The following POLR1A variants were observed in gnomAD, a reference collection of about 807,000 sequenced individuals.
POLR1A encodes the protein RNA polymerase I subunit A.
A neutral mutation model predicts 205.3 loss-of-function variants in POLR1A; 84 were observed. The observed-to-expected ratio is 0.41, with a 90% CI of 0.34 to 0.49. The LOEUF is 0.49. Among genes scored for constraint, POLR1A ranks in the 20% least tolerant of loss-of-function variants. POLR1A has a pLI of 0.22. For missense variants in POLR1A, 1,645 were observed against 2,204.5 expected (o/e 0.75, Z 5.08); for synonymous variants, 799 against 863.7 (o/e 0.93, Z 1.31).
At chr2:86,100,629 G>C (rs1292734147) in intron 1 of POLR1A, among the ~76,000 whole-genome samples, 1 of 151,670 alleles carries the variant, frequency 6.6e-6, no homozygotes. Context: ...AAACTCCTGG[G>C]CTCCAGTGAT....
At chr2:86,054,090 T>C in intron 15 of POLR1A, 50 bp downstream of exon 15, 1 of 1,592,018 alleles carries the variant, frequency 6.3e-7, no homozygotes. Context: ...AACCAATCTG[T>C]CTAACCCCGG....
rs1170900066 is a variant in POLR1A at position 86,042,957 on chromosome 2, C to T, written c.3357+17G>A. 2 of 1,586,692 alleles carry T rather than the reference C, an allele frequency of 1.3e-6. No individual in the cohort carries two copies. The highest frequency in any genetic ancestry group is 1.7e-6 in the Non-Finnish European group (2 of 1,155,482). Reference sequence around the variant, plus strand: ...CTGGACGTGCTGGACATTAAGGACACCACCTCCCTGCATCACCTCCTGAGT... The same window carrying T: ...CTGGACGTGCTGGACATTAAGGACATCACCTCCCTGCATCACCTCCTGAGT... On this transcript the variant is annotated intron_variant, in intron 23 of 33. Coordinates refer to ENST00000263857, the MANE Select transcript of POLR1A (RefSeq NM_015425.6).
Position 86,030,278 on chromosome 2 carries a change from T to G in POLR1A, c.4697A>C (p.Glu1566Ala). 6.2e-7 allele frequency: 1 copy of G among 1,614,222 alleles called. No homozygotes were observed. The change falls in exon 31 of 34, where the codon GAA (glutamate) becomes GCA (alanine). Residue 1566 changes from glutamate (E) to alanine (A), a missense_variant. Glu to Ala is a moderately radical substitution (Grantham distance 107). Coordinates refer to ENST00000263857, the MANE Select transcript of POLR1A (RefSeq NM_015425.6). ...TKGITRCLLN[E>A]TTNNKNEKEL... Reference sequence around the variant, plus strand: ...CTTCTCGTTCTTATTGTTGGTTGTTTCATTCAGGAGGCACCGAGTGATGCC... The same window carrying G: ...CTTCTCGTTCTTATTGTTGGTTGTTGCATTCAGGAGGCACCGAGTGATGCC...
rs779817884 is a variant in POLR1A, at chr2:86,045,624, T to C, written c.2879A>G (p.Lys960Arg). 1.9e-6 allele frequency: 3 copies of C among 1,614,038 alleles called. No individual in the cohort carries two copies. The Admixed American group carries it at 5.0e-5, about 27-fold the overall frequency. The part of the protein sequence containing the change: ...FVTGRFLTGI[K>R]PPEFFFHCMA... ...AAAAACCAAAATACATACAGGAGGT[T>C]TGATGCCGGTGAGGAACCTGCCAGT... Residue 960 changes from lysine (K) to arginine (R), a missense_variant, in exon 20 of 34, where the codon AAA becomes AGA. Lys to Arg is a conservative substitution (Grantham distance 26). Coordinates refer to ENST00000263857, the MANE Select transcript of POLR1A (RefSeq NM_015425.6).
intron 1 of POLR1A, among the ~76,000 whole-genome samples, chr2:86,104,497 G>A (rs542921380): frequency 6.7e-6 from 1 of 150,186 alleles, no homozygotes; most frequent in Admixed American, 6.6e-5. Context: ...CGCCAGGCTG[G>A]AGTGCAGTGG....
At chr2:86,095,136 C>T (rs905191414) in intron 3 of POLR1A, among the ~76,000 whole-genome samples, 9 of 152,236 alleles carry the variant, frequency 5.9e-5, no homozygotes, top group Non-Finnish European at 1.2e-4. Context: ...ACCCTTCCCA[C>T]GAAGCTTTGC....
intron 6 of POLR1A, among the ~76,000 whole-genome samples, chr2:86,084,187 AC>A (rs1364935108): frequency 1.3e-5 from 2 of 152,104 alleles, no homozygotes; most frequent in Non-Finnish European, 2.9e-5. Flanking sequence ...AATGGCGTGA[AC>A]CCAGGAGGCG....
intron 23 of POLR1A, among the ~76,000 whole-genome samples, 177 bp from the exon 24 acceptor site, chr2:86,042,280 T>C (rs1672623986): frequency 6.6e-6 from 1 of 152,196 alleles, no homozygotes; most frequent in African/African-American, 2.4e-5. Context: ...GGCACCCTGC[T>C]TGACTATAAG....
chr2:86,047,348 C>G, intron 18 of POLR1A, 85 bp from the exon 19 acceptor site: 1 of 863,124 alleles, frequency 1.2e-6, no homozygotes, highest in Non-Finnish European at 1.9e-6. Flanking sequence ...GAAGCAGAAG[C>G]AATACAGCCA....
Position 86,083,028 on chromosome 2 carries a change from A to G in POLR1A, c.817+54T>C, listed in dbSNP as rs565458322. ...GTAATAAGGCAGGGTTAATGAGTCC[A>G]GGAAATAAAAGCCTAGAGAAGATCA... On this transcript the variant is annotated intron_variant, in intron 7 of 33. Coordinates refer to ENST00000263857, the MANE Select transcript of POLR1A (RefSeq NM_015425.6). 6 of 1,312,542 alleles carry G rather than the reference A, an allele frequency of 4.6e-6. No individual in the cohort carries two copies. The South Asian group carries it at 7.1e-5, about 15-fold the overall frequency. The allele number at this position is 1,312,542 out of a possible 1,614,324, so 81.3% of individuals were successfully genotyped here. A position where few individuals can be genotyped will look rare whatever the true frequency, so the allele number is the denominator to read the frequency against.
intron 19 of POLR1A, 82 bp from the exon 20 acceptor site, chr2:86,045,851 C>G (rs1672701350): frequency 7.8e-7 from 1 of 1,273,960 alleles, no homozygotes; most frequent in South Asian, 1.3e-5. Context: ...AAAGTATAAT[C>G]TGACCTTGAA....
Position 86,021,021 on chromosome 2 carries a change from CTCAG to C in POLR1A, c.*6398_*6401del, listed in dbSNP as rs1340318321. ...TTCCAAGAAAAGTCTTATTTCAGAG[CTCAG>C]TGTCTTGCCCAAAACGCAGCCTCAC... On this transcript the variant is annotated 3_prime_UTR_variant, in exon 34 of 34. Coordinates refer to ENST00000263857, the MANE Select transcript of POLR1A (RefSeq NM_015425.6). 1 of 152,256 alleles carries C rather than the reference CTCAG, an allele frequency of 6.6e-6. No homozygotes were observed. Among genetic ancestry groups the C allele is most frequent in the Non-Finnish European group, 1.5e-5 (1 of 68,036 alleles). 9.4% of individuals were successfully genotyped at this position (152,256 alleles called of 1,614,324 possible).
rs546931720 is a variant in POLR1A at position 86,097,673 on chromosome 2, G to A, written c.432+938C>T. 7.9e-5 allele frequency among the ~76,000 whole-genome samples: 12 copies of A among 152,222 alleles called. No individual in the cohort carries two copies. In the South Asian group the frequency reaches 2.5e-3, roughly 32 times the overall value. On this transcript the variant is annotated intron_variant, in intron 3 of 33. Transcript: ENST00000263857. ...ACACTGCAAGTTCCTACTCATATGT[G>A]GAAGCCAAAAATAAAGTTGATCTCA...
intron 27 of POLR1A, 140 bp from the exon 28 acceptor site, chr2:86,033,927 C>T: frequency 2.0e-6 from 2 of 1,021,122 alleles, no homozygotes; most frequent in Non-Finnish European, 2.8e-6. Context: ...TAGCCACTCA[C>T]TTGTCCCTAC....
At chr2:86,088,201 G>A (rs770776082) in intron 6 of POLR1A, among the ~76,000 whole-genome samples, 14 of 150,572 alleles carry the variant, frequency 9.3e-5, no homozygotes, top group African/African-American at 2.7e-4. Context: ...AAAATTATTC[G>A]CCTACATTTT....
Position 86,044,149 on chromosome 2 carries a change from C to T in POLR1A, c.3125G>A (p.Ser1042Asn). Residue 1042 changes from serine to asparagine, a missense_variant, in exon 22 of 34, where the codon AGC becomes AAC. By Grantham distance (46) the Ser-to-Asn change is conservative. This residue lies in a region of POLR1A where 201 missense variants were observed against 222.3 expected (regional missense o/e 0.90). Coordinates refer to ENST00000263857, the MANE Select transcript of POLR1A (RefSeq NM_015425.6). ...GATCTAGCACACTACCTCGTAGTTG[C>T]TGGCCAGGAAGGGGAACTGCTTGGG... is the stretch of plus-strand genomic sequence containing the variant. ...LQPKQFPFLA[S>N]NYEVIMKSQH... The T allele has an allele frequency of 6.2e-7, 1 of 1,614,142 alleles. No individual in the cohort carries two copies. Among genetic ancestry groups the T allele is most frequent in the Non-Finnish European group, 8.5e-7 (1 of 1,180,008 alleles).
chr2:86,033,705 T>C lies in POLR1A; in HGVS notation c.4117A>G (p.Thr1373Ala). ...CCAGCGTTGTCCAGATCCCGCTGTG[T>C]AGCTCTTCGAGTGTTTACGTTCCTG... ...AFRNVNTRRA[T>A]QRDLDNAGEL... Residue 1373 changes from threonine to alanine, a missense_variant, in exon 28 of 34, where the codon ACA becomes GCA. Thr to Ala is a moderately conservative substitution (Grantham distance 58). Transcript: ENST00000263857. 6.2e-7 allele frequency: 1 copy of C among 1,614,078 alleles called. No individual in the cohort carries two copies. The highest frequency in any genetic ancestry group is 1.7e-5 in the Admixed American group (1 of 60,038).
intron 14 of POLR1A, among the ~76,000 whole-genome samples, chr2:86,057,427 A>C (rs1672915756): frequency 1.3e-5 from 2 of 152,236 alleles, no homozygotes; most frequent in South Asian, 4.1e-4. Flanking sequence ...TTGAATATAG[A>C]ATTACTATAT....
At position 86,088,586 on chromosome 2, in the gene POLR1A, T is replaced by G; in HGVS notation, c.710A>C (p.Gln237Pro). 1 of 1,613,742 alleles carries G rather than the reference T, an allele frequency of 6.2e-7. No individual in the cohort carries two copies. Among genetic ancestry groups the G allele is most frequent in the South Asian group, 1.1e-5 (1 of 91,074 alleles). ...CTCACCCAGGGGCTCAGAGTCCTTC[T>G]GGCCAGCTGTCCTGTGCACCATGGC... ...FPAMVHRTAG[Q>P]KDSEPLGIEE... is the part of the protein sequence containing the mutation. Residue 237 changes from glutamine to proline, a missense_variant, in exon 6 of 34, where the codon CAG (glutamine) becomes CCG (proline). By Grantham distance (76) the Gln-to-Pro change is moderately conservative. Transcript: ENST00000263857.
Sources: allele counts gnomAD v4.1 joint callset (sites outside exome capture counted in the v4.1 genomes callset), GRCh38; gene constraint gnomAD v4.1.1; regional missense constraint gnomAD v4.1.1; transcripts MANE v1.5; gene names NCBI Gene and HGNC (gene_info 2026-07-23, HGNC 2026-07-21).